The following AOPEP variants were observed in gnomAD, a reference collection of about 807,000 sequenced individuals.
The protein encoded by AOPEP is aminopeptidase O (putative).
AOPEP carries 77 observed loss-of-function variants against 98.1 expected under a neutral mutation model. That is an observed-to-expected ratio of 0.78 (90% CI 0.65 to 0.95). The LOEUF (loss-of-function observed/expected upper bound fraction) is 0.95. Ranked by LOEUF, AOPEP falls within the 40% of genes least tolerant of loss-of-function variation. The pLI is 0.00. For synonymous variants in AOPEP, 346 were observed against 365.3 expected, an observed-to-expected ratio of 0.95 and a Z score of 0.60; for missense variants, 1,024 against 1,024.7, an observed-to-expected ratio of 1.00 and a Z score of 0.01.
intron 5 of AOPEP, among the ~76,000 whole-genome samples, chr9:94,864,568 A>G (rs893725404): frequency 6.6e-6 from 1 of 152,160 alleles, no homozygotes; most frequent in Non-Finnish European, 1.5e-5. Flanking sequence ...ATATTAATTA[A>G]GGTTTTATTT....
At chr9:95,146,282 T>C in the AOPEP span, among the ~76,000 whole-genome samples, 4 of 149,934 alleles carry the variant, frequency 2.7e-5, no homozygotes, top group Non-Finnish European at 5.9e-5. Context: ...AGCCCAGGAG[T>C]TCAAGACCAG....
intron 6 of AOPEP, among the ~76,000 whole-genome samples, chr9:94,925,279 G>A (rs756817939): frequency 2.6e-5 from 4 of 152,178 alleles, no homozygotes; most frequent in Non-Finnish European, 5.9e-5. Context: ...GTGAGCCACC[G>A]CGCCCAGCCT....
At chr9:94,736,275 T>C (rs1184441488) in intron 1 of AOPEP, among the ~76,000 whole-genome samples, 2 of 152,190 alleles carry the variant, frequency 1.3e-5, no homozygotes, top group Non-Finnish European at 2.9e-5. Context: ...GTGAAATACA[T>C]TCTTCTAAGA....
the AOPEP span, among the ~76,000 whole-genome samples, chr9:95,107,714 G>A: frequency 2.6e-5 from 4 of 152,144 alleles, no homozygotes; most frequent in African/African-American, 9.7e-5. Flanking sequence ...TGCTATATTG[G>A]GGGTCAGGGC....
chr9:95,033,022 T>C (rs1198293493), intron 13 of AOPEP, among the ~76,000 whole-genome samples: 1 of 152,158 alleles, frequency 6.6e-6, no homozygotes, highest in Non-Finnish European at 1.5e-5. Context: ...GAGATTGCAG[T>C]TGGAAAAAGT....
chr9:95,094,443 A>T, the AOPEP span, among the ~76,000 whole-genome samples: 1 of 151,952 alleles, frequency 6.6e-6, no homozygotes, highest in Non-Finnish European at 1.5e-5. Flanking sequence ...GAACTTTTTC[A>T]TCTTCCCCAG....
At chr9:94,894,381 T>C (rs1025889445) in intron 5 of AOPEP, among the ~76,000 whole-genome samples, 8 of 152,034 alleles carry the variant, frequency 5.3e-5, no homozygotes, top group Non-Finnish European at 7.4e-5. Flanking sequence ...AAGTGACAAA[T>C]AGTAACAGAT....
intron 13 of AOPEP, among the ~76,000 whole-genome samples, chr9:95,037,455 G>A (rs2064929790): frequency 6.6e-6 from 1 of 152,194 alleles, no homozygotes. Context: ...GAATTTTATT[G>A]TCTGAGCTTA....
chr9:95,018,538 C>G (rs1473658145), intron 13 of AOPEP, among the ~76,000 whole-genome samples: 1 of 152,294 alleles, frequency 6.6e-6, no homozygotes, highest in African/African-American at 2.4e-5. Flanking sequence ...GTTGTAGCAA[C>G]CTGCTTTTGT....
the AOPEP span, chr9:95,126,810 T>G: frequency 7.7e-6 from 4 of 516,854 alleles, no homozygotes; most frequent in Admixed American, 9.7e-5. Context: ...TGTATACTCC[T>G]GTATGTCCCA....
intron 11 of AOPEP, among the ~76,000 whole-genome samples, chr9:94,995,525 T>C (rs568263129): frequency 9.2e-5 from 14 of 152,154 alleles, no homozygotes; most frequent in Admixed American, 9.2e-4. Flanking sequence ...CTGAAACAGT[T>C]AAGTCACATT....
At chr9:94,790,154 C>T (rs1440818621) in intron 3 of AOPEP, among the ~76,000 whole-genome samples, 4 of 151,566 alleles carry the variant, frequency 2.6e-5, no homozygotes, top group Non-Finnish European at 5.9e-5. Context: ...GGATTACAAG[C>T]GTGAGCCACC....
intron 10 of AOPEP, among the ~76,000 whole-genome samples, chr9:94,977,347 G>A (rs1481664911): frequency 6.6e-6 from 1 of 152,136 alleles, no homozygotes; most frequent in Non-Finnish European, 1.5e-5. Context: ...TTCAGAGCTT[G>A]TGGAGGCTTC....
intron 5 of AOPEP, among the ~76,000 whole-genome samples, chr9:94,919,355 C>G (rs372620811): frequency 6.6e-6 from 1 of 152,266 alleles, no homozygotes; most frequent in Admixed American, 6.5e-5. Context: ...CTCAGCCTCC[C>G]GTTTAAAGAT....
intron 14 of AOPEP, among the ~76,000 whole-genome samples, chr9:95,071,654 C>T (rs1285381434): frequency 2.0e-5 from 3 of 152,146 alleles, no homozygotes; most frequent in Non-Finnish European, 4.4e-5. Context: ...GGCACCGCAG[C>T]TCTTGGAACC....
At chr9:94,867,782 A>G (rs980974729) in intron 5 of AOPEP, among the ~76,000 whole-genome samples, 6 of 152,202 alleles carry the variant, frequency 3.9e-5, no homozygotes, top group Non-Finnish European at 8.8e-5. Context: ...CTGATTCGGA[A>G]TATCAGGGAA....
chr9:94,743,036 G>C (rs7866487), intron 1 of AOPEP, among the ~76,000 whole-genome samples: 1 of 151,942 alleles, frequency 6.6e-6, no homozygotes, highest in African/African-American at 2.4e-5. Flanking sequence ...GAGGGCCCAC[G>C]GCTAAGCCTT....
intron 13 of AOPEP, among the ~76,000 whole-genome samples, chr9:95,032,680 T>G (rs191464978): frequency 5.3e-4 from 80 of 152,316 alleles, no homozygotes; most frequent in Non-Finnish European, 6.9e-4. Flanking sequence ...CAGAGCCTGT[T>G]TTGTAGCTAG....
chr9:94,821,822 T>C (rs928903199), intron 5 of AOPEP, among the ~76,000 whole-genome samples: 2 of 152,232 alleles, frequency 1.3e-5, no homozygotes, highest in African/African-American at 2.4e-5. Flanking sequence ...GTGATTTATC[T>C]CAGCCTTAGT....
Sources: gnomAD v4.1 joint callset for allele counts (sites outside exome capture counted in the v4.1 genomes callset) on GRCh38, gnomAD v4.1.1 for gene constraint, MANE v1.5 for transcripts, NCBI Gene and HGNC (gene_info 2026-07-23, HGNC 2026-07-21) for gene names.